The following EDN3 variants were observed in gnomAD, a reference collection of about 807,000 sequenced individuals.
EDN3 encodes endothelin-3.
In EDN3, 9 loss-of-function variants were observed where a neutral mutation model predicts 21.4. The ratio of observed to expected loss-of-function variants is 0.42; its 90% CI spans 0.25 to 0.73. The LOEUF (loss-of-function observed/expected upper bound fraction) is 0.73, where lower values mean the gene tolerates loss of function less well. EDN3 is among the 30% of genes least tolerant of loss of function. The pLI is 0.26. For synonymous variants in EDN3, 133 were observed against 126.2 expected (o/e 1.05, Z -0.36); for missense variants, 327 against 309.4 (o/e 1.06, Z -0.43).
At position 59,301,719 on chromosome 20, in the gene EDN3, C is replaced by A. The variant is rs267606028; in HGVS notation, c.362C>A (p.Pro121His). The A allele has an allele frequency of 5.0e-6, 8 of 1,613,986 alleles. No homozygotes were observed. Among genetic ancestry groups the A allele is most frequent in the Non-Finnish European group, 6.8e-6 (8 of 1,179,970 alleles). The change falls in exon 2 of 5, where the codon CCC becomes CAC. Residue 121 changes from proline (P) to histidine (H), a missense_variant. By Grantham distance (77) the Pro-to-His change is moderately conservative. Transcript: ENST00000337938. ...CHLDIIWINT[P>H]EQTVPYGLSN... ...CTGGACATCATTTGGATCAACACTCCCGAGTAAGTCAGCCTTTTGTGGTGA... is the reference window on the plus strand; with the variant it reads ...CTGGACATCATTTGGATCAACACTCACGAGTAAGTCAGCCTTTTGTGGTGA...
intron 4 of EDN3, chr20:59,323,734 C>T (rs200756818): frequency 6.0e-5 from 24 of 401,214 alleles, no homozygotes; most frequent in Admixed American, 5.6e-4. Flanking sequence ...GTAGGGGAAC[C>T]GGTGAGTGCA....
chr20:59,324,608 C>CT lies in EDN3; in HGVS notation c.*149_*150insT. On this transcript the variant is annotated 3_prime_UTR_variant, in exon 5 of 5. Coordinates refer to ENST00000337938, the MANE Select transcript of EDN3 (RefSeq NM_207034.3). The stretch of plus-strand genomic sequence containing the variant: ...TCCCCACTTAACAATACCCCCCCCC[C>CT]ACGGCAAGAATGCCCAAATCCGAAT... 9.5e-7 allele frequency: 1 copy of CT among 1,053,682 alleles called. No homozygotes were observed. Among genetic ancestry groups the CT allele is most frequent in the East Asian group, 2.6e-5 (1 of 38,058 alleles). The allele number at this position is 1,053,682 out of a possible 1,614,324, so 65.3% of individuals were successfully genotyped here.
At chr20:59,321,578 C>T (rs1390093710) in intron 3 of EDN3, among the ~76,000 whole-genome samples, 1 of 152,088 alleles carries the variant, frequency 6.6e-6, no homozygotes, top group Non-Finnish European at 1.5e-5. Flanking sequence ...CGAAAATAGC[C>T]CATGATAAGA....
At chr20:59,303,894 G>A (rs1237738151) in intron 2 of EDN3, among the ~76,000 whole-genome samples, 1 of 152,008 alleles carries the variant, frequency 6.6e-6, no homozygotes, top group Admixed American at 6.6e-5. Flanking sequence ...ATTAAATCTG[G>A]TGTTTGGGCA....
chr20:59,301,353 C>G, intron 1 of EDN3, 57 bp from the exon 2 acceptor site: 3 of 1,581,138 alleles, frequency 1.9e-6, no homozygotes, highest in Non-Finnish European at 1.7e-6. Flanking sequence ...TTGGGGGTGG[C>G]GGGTGTTGAG....
In EDN3 at chr20:59,322,752, C is replaced by T. The variant is rs551632977; in HGVS notation, c.588+335C>T. Among the ~76,000 whole-genome samples, 20 of 152,322 alleles carry T rather than the reference C, an allele frequency of 1.3e-4. No individual in the cohort carries two copies. Among genetic ancestry groups the T allele is most frequent in the African/African-American group, 3.8e-4 (16 of 41,562 alleles). On this transcript the variant is annotated intron_variant, in intron 4 of 4. Transcript: ENST00000337938. The surrounding 1 kb of genome is among the most constrained non-coding windows in gnomAD (Gnocchi z 4.1). ...GGCCTGGACAAAGCTAGTCAACCACCGCTCTCAGAGGCCCTGTAGGCTGCT... is the reference window on the plus strand; with the variant it reads ...GGCCTGGACAAAGCTAGTCAACCACTGCTCTCAGAGGCCCTGTAGGCTGCT...
chr20:59,313,296 G>T (rs1198137224), intron 2 of EDN3, among the ~76,000 whole-genome samples: 1 of 152,196 alleles, frequency 6.6e-6, no homozygotes, highest in Non-Finnish European at 1.5e-5. Context: ...AGAGGTGAAT[G>T]GGGCAGACAC....
intron 2 of EDN3, among the ~76,000 whole-genome samples, chr20:59,317,971 G>A (rs1460299358): frequency 1.3e-5 from 2 of 152,176 alleles, no homozygotes; most frequent in African/African-American, 4.8e-5. Flanking sequence ...GGGCCCTGTG[G>A]GTTAGAGGAC....
rs187793292 is a variant in EDN3, at chr20:59,305,381, A to G, written c.365+3659A>G. Among the ~76,000 whole-genome samples the G allele has an allele frequency of 1.3e-5, 2 of 152,350 alleles. No homozygotes were observed. The highest frequency in any genetic ancestry group is 4.8e-5 in the African/African-American group (2 of 41,590). ...GGTCCGTGTGCTGATGTCCTTGTAC[A>G]CTGCGGCTGTCCTCTATGAGCAGAC... is the stretch of plus-strand genomic sequence containing the variant. On this transcript the variant is annotated intron_variant, in intron 2 of 4. Transcript: ENST00000337938. The surrounding 1 kb of genome is among the most constrained non-coding windows in gnomAD (Gnocchi z 4.2).
chr20:59,312,658 C>G (rs533871766), intron 2 of EDN3, among the ~76,000 whole-genome samples: 1 of 152,290 alleles, frequency 6.6e-6, no homozygotes, highest in Non-Finnish European at 1.5e-5. Flanking sequence ...TCCTGGGAAC[C>G]ACTTATCTTG....
intron 4 of EDN3, chr20:59,323,806 G>A (rs772694993): frequency 3.7e-5 from 16 of 435,490 alleles, no homozygotes; most frequent in Non-Finnish European, 6.0e-5. Flanking sequence ...GAAGCACACC[G>A]GTCCTTTTGC....
At chr20:59,317,032 G>C (rs1600746539) in intron 2 of EDN3, among the ~76,000 whole-genome samples, 2 of 152,212 alleles carry the variant, frequency 1.3e-5, no homozygotes, top group Non-Finnish European at 1.5e-5. Flanking sequence ...TTGTATTATA[G>C]AGCGGTAGGC....
rs1372626708 is a variant in EDN3, at chr20:59,325,638, G to A, written c.*1179G>A. On this transcript the variant is annotated 3_prime_UTR_variant, in exon 5 of 5. Transcript: ENST00000337938. Reference sequence around the variant, plus strand: ...GTGTGTATTTCATAAGTTATTACAGGTATAAAAGTGATGACCTATCATGAG... The same window carrying A: ...GTGTGTATTTCATAAGTTATTACAGATATAAAAGTGATGACCTATCATGAG... 6.6e-6 allele frequency: 1 copy of A among 152,182 alleles called. No homozygotes were observed. The highest frequency in any genetic ancestry group is 2.4e-5 in the African/African-American group (1 of 41,434). The allele number at this position is 152,182 out of a possible 1,614,324, so 9.4% of individuals were successfully genotyped here.
chr20:59,313,211 C>T (rs1989944486), intron 2 of EDN3, among the ~76,000 whole-genome samples: 1 of 152,202 alleles, frequency 6.6e-6, no homozygotes, highest in South Asian at 2.1e-4. Context: ...TTCATTCATT[C>T]GTTTAACAGG....
intron 2 of EDN3, among the ~76,000 whole-genome samples, chr20:59,302,508 T>C (rs559771078): frequency 2.0e-5 from 3 of 152,232 alleles, no homozygotes; most frequent in East Asian, 3.9e-4. Context: ...GGGGGAGGCT[T>C]TGATGACTCC....
rs1186840590 is a variant in EDN3, at chr20:59,322,441, G to C, written c.588+24G>C. On this transcript the variant is annotated intron_variant, in intron 4 of 4. Coordinates refer to ENST00000337938, the MANE Select transcript of EDN3 (RefSeq NM_207034.3). The surrounding 1 kb of genome is among the most constrained non-coding windows in gnomAD (Gnocchi z 4.1). ...AGGTGAGAGGTGCCAACAGAGGCCT[G>C]TGTCAAAGGAGGTGAAGATGTGACG... The C allele has an allele frequency of 2.5e-6, 4 of 1,614,240 alleles. No homozygotes were observed. Among genetic ancestry groups the C allele is most frequent in the South Asian group, 2.2e-5 (2 of 91,086 alleles).
chr20:59,306,164 C>T (rs1022102941), intron 2 of EDN3, among the ~76,000 whole-genome samples: 1 of 152,140 alleles, frequency 6.6e-6, no homozygotes, highest in Non-Finnish European at 1.5e-5. Flanking sequence ...CATTGTGATG[C>T]TGGATGGTGA....
rs1990606187 is a variant in EDN3, at chr20:59,322,408, G to A, written c.579G>A (p.Glu193=). The change falls in exon 4 of 5, where the codon GAG becomes GAA. Residue 193 remains glutamate, a synonymous_variant. Coordinates refer to ENST00000337938, the MANE Select transcript of EDN3 (RefSeq NM_207034.3). This position sits in a 1 kb window ranked among gnomAD's most constrained non-coding sequence, Gnocchi z 4.1. Reference sequence around the variant, plus strand: ...CGGCAGAAAAAACAGACAAAGAAGAGGAAGGGAAGGTGAGAGGTGCCAACA... The same window carrying A: ...CGGCAGAAAAAACAGACAAAGAAGAAGAAGGGAAGGTGAGAGGTGCCAACA... The part of the protein sequence containing the change: ...SRTAEKTDKE[E]EGKVEVKDQQ... The A allele has an allele frequency of 6.2e-7, 1 of 1,614,136 alleles. No individual in the cohort carries two copies. The highest frequency in any genetic ancestry group is 1.7e-5 in the Admixed American group (1 of 60,008).
chr20:59,312,363 T>A (rs549005406), intron 2 of EDN3, among the ~76,000 whole-genome samples: 1 of 152,290 alleles, frequency 6.6e-6, no homozygotes, highest in African/African-American at 2.4e-5. Context: ...TTTGTTTCTC[T>A]AATTTTTTTT....
Sources: allele counts gnomAD v4.1 joint callset (sites outside exome capture counted in the v4.1 genomes callset), GRCh38; gene constraint gnomAD v4.1.1; non-coding constraint Gnocchi (gnomAD v3.1); transcripts MANE v1.5; gene names NCBI Gene and HGNC (gene_info 2026-07-23, HGNC 2026-07-21).